The following GAB2 variants were observed in gnomAD, a reference collection of about 807,000 sequenced individuals.
The protein encoded by GAB2 is GRB2 associated binding protein 2.
GAB2 carries 26 observed loss-of-function variants against 65.5 expected under a neutral mutation model. The observed-to-expected ratio is 0.40, with a 90% CI of 0.29 to 0.55. The LOEUF (loss-of-function observed/expected upper bound fraction) is 0.55, where lower values mean the gene tolerates loss of function less well. Among genes scored for constraint, GAB2 ranks in the 20% least tolerant of loss-of-function variants. The pLI is 0.53. For missense variants in GAB2, 884 were observed against 875.8 expected (o/e 1.01, Z -0.12); for synonymous variants, 321 against 329.6 (o/e 0.97, Z 0.28).
chr11:78,330,784 T>C (rs1393230684), intron 1 of GAB2, among the ~76,000 whole-genome samples: 1 of 152,210 alleles, frequency 6.6e-6, no homozygotes, highest in Non-Finnish European at 1.5e-5. Context: ...GAAATATTTT[T>C]CTTCCCATAA....
At chr11:78,331,629 A>G (rs1311882582) in intron 1 of GAB2, among the ~76,000 whole-genome samples, 1 of 152,230 alleles carries the variant, frequency 6.6e-6, no homozygotes, top group Non-Finnish European at 1.5e-5. Flanking sequence ...TTGTGCAAAC[A>G]TGAGGAGTTG....
At chr11:78,341,741 T>C in intron 1 of GAB2, 1 of 985,710 alleles carries the variant, frequency 1.0e-6, no homozygotes, top group Non-Finnish European at 1.2e-6. Flanking sequence ...CGCCATACTC[T>C]TTGTTTCCCA....
Position 78,238,745 on chromosome 11 carries a change from A to T in GAB2, c.620+11412T>A, listed in dbSNP as rs561984618. Among the ~76,000 whole-genome samples, 45 of 152,330 alleles carry T rather than the reference A, an allele frequency of 3.0e-4. No individual in the cohort carries two copies. The South Asian group carries it at 7.2e-3, about 25-fold the overall frequency. Reference sequence around the variant, plus strand: ...ATTTGACAGTGATTTCCTGAATATGACACCAAAAGCACAGGCAACAAAAGT... The same window carrying T: ...ATTTGACAGTGATTTCCTGAATATGTCACCAAAAGCACAGGCAACAAAAGT... On this transcript the variant is annotated intron_variant, in intron 3 of 9. Transcript: ENST00000361507.
chr11:78,256,942 C>G (rs1029870099), intron 2 of GAB2, among the ~76,000 whole-genome samples: 1 of 152,218 alleles, frequency 6.6e-6, no homozygotes, highest in African/African-American at 2.4e-5. Context: ...GCCTGAGCTT[C>G]TATCTCCAAG....
chr11:78,254,659 C>T (rs914551048), intron 2 of GAB2, among the ~76,000 whole-genome samples: 4 of 151,960 alleles, frequency 2.6e-5, no homozygotes, highest in East Asian at 3.9e-4. Context: ...ATTAACTGGG[C>T]GTGGTGGTGT....
chr11:78,224,614 C>A (rs998356958), intron 5 of GAB2, among the ~76,000 whole-genome samples: 3 of 152,192 alleles, frequency 2.0e-5, no homozygotes, highest in Non-Finnish European at 4.4e-5. Context: ...TTTCAGTGGG[C>A]CTGAAGCCAG....
At chr11:78,413,621 G>C (rs1434906613) in intron 1 of GAB2, among the ~76,000 whole-genome samples, 3 of 152,108 alleles carry the variant, frequency 2.0e-5, no homozygotes, top group Non-Finnish European at 4.4e-5. Context: ...CCACCACCAA[G>C]TTTATCCCTG....
At chr11:78,300,078 C>T (rs974390727) in intron 1 of GAB2, among the ~76,000 whole-genome samples, 1 of 152,204 alleles carries the variant, frequency 6.6e-6, no homozygotes. Context: ...ATTTCCATGA[C>T]CCCAAAGAGT....
At chr11:78,291,892 T>C (rs1479242307) in intron 1 of GAB2, among the ~76,000 whole-genome samples, 3 of 151,978 alleles carry the variant, frequency 2.0e-5, no homozygotes, top group African/African-American at 7.3e-5. Context: ...TAAGAAAACA[T>C]GATATGGTAA....
chr11:78,346,240 A>G (rs1856176975), intron 1 of GAB2, among the ~76,000 whole-genome samples: 1 of 152,188 alleles, frequency 6.6e-6, no homozygotes, highest in South Asian at 2.1e-4. Context: ...TAAATCTGTT[A>G]AGGCACCTTA....
At chr11:78,343,684 G>A (rs144100638) in intron 1 of GAB2, among the ~76,000 whole-genome samples, 21 of 152,216 alleles carry the variant, frequency 1.4e-4, no homozygotes, top group African/African-American at 4.6e-4. Flanking sequence ...CAAATGTAGC[G>A]TGAGGCACAT....
chr11:78,245,069 A>T (rs968845461), intron 3 of GAB2, among the ~76,000 whole-genome samples: 3 of 152,202 alleles, frequency 2.0e-5, no homozygotes, highest in African/African-American at 7.2e-5. Flanking sequence ...GGATAAAGAA[A>T]ATGTAGTATG....
intron 1 of GAB2, among the ~76,000 whole-genome samples, chr11:78,311,575 A>C (rs545056820): frequency 6.6e-6 from 1 of 152,340 alleles, no homozygotes; most frequent in South Asian, 2.1e-4. Flanking sequence ...AAAAGTAATA[A>C]ATTATTCAAT....
chr11:78,321,727 G>C (rs1437625756), intron 1 of GAB2, among the ~76,000 whole-genome samples: 1 of 152,122 alleles, frequency 6.6e-6, no homozygotes, highest in Non-Finnish European at 1.5e-5. Flanking sequence ...CACCACATTA[G>C]TCAACTTTCA....
chr11:78,255,327 G>A (rs745884390), intron 2 of GAB2, among the ~76,000 whole-genome samples: 2 of 152,170 alleles, frequency 1.3e-5, no homozygotes, highest in Non-Finnish European at 2.9e-5. Flanking sequence ...AACTGTGAGA[G>A]AGTAAATTTT....
chr11:78,290,451 C>A (rs889112234), intron 1 of GAB2, among the ~76,000 whole-genome samples: 1 of 152,206 alleles, frequency 6.6e-6, no homozygotes, highest in Non-Finnish European at 1.5e-5. Context: ...AGCTGTTGAA[C>A]AGACAGTACA....
At chr11:78,362,058 G>A (rs1023031347) in intron 1 of GAB2, among the ~76,000 whole-genome samples, 31 of 150,282 alleles carry the variant, frequency 2.1e-4, no homozygotes, top group African/African-American at 7.6e-4. Flanking sequence ...AATATGGAAA[G>A]AGCATCAAGA....
At chr11:78,360,436 G>T (rs746970901) in intron 1 of GAB2, among the ~76,000 whole-genome samples, 1 of 148,856 alleles carries the variant, frequency 6.7e-6, no homozygotes, top group East Asian at 1.9e-4. Flanking sequence ...AAAGAAAAAA[G>T]AAACTAATAC....
intron 1 of GAB2, among the ~76,000 whole-genome samples, chr11:78,416,812 G>A (rs938476516): frequency 2.0e-5 from 3 of 148,610 alleles, no homozygotes; most frequent in African/African-American, 7.4e-5. Context: ...AGAACTCCAC[G>A]GCTCAGCGCC....
Sources: allele counts gnomAD v4.1 joint callset (sites outside exome capture counted in the v4.1 genomes callset), GRCh38; gene constraint gnomAD v4.1.1; transcripts MANE v1.5; gene names NCBI Gene and HGNC (gene_info 2026-07-23, HGNC 2026-07-21).